Variants in SYT1 observed in about 807,000 individuals in gnomAD.
SYT1 encodes synaptotagmin 1.
In SYT1, 8 loss-of-function variants were observed where a neutral mutation model predicts 44.8. The ratio of observed to expected loss-of-function variants is 0.18; its 90% CI spans 0.10 to 0.32. The LOEUF (loss-of-function observed/expected upper bound fraction) is 0.32, where lower values mean the gene tolerates loss of function less well. Among genes scored for constraint, SYT1 ranks in the 10% least tolerant of loss-of-function variants. The pLI, the probability that SYT1 is intolerant of heterozygous loss-of-function variation, is 1.00. For synonymous variants in SYT1, 154 were observed against 188.8 expected (o/e 0.82, Z 1.51); for missense variants, 286 against 509.3 (o/e 0.56, Z 4.22).
At chr12:79,043,991 G>C (rs993453929) in intron 2 of SYT1, among the ~76,000 whole-genome samples, 3 of 152,206 alleles carry the variant, frequency 2.0e-5, no homozygotes, top group Non-Finnish European at 2.9e-5. Context: ...TCTGCCGAGA[G>C]ATCCGCTGTT....
chr12:79,256,157 T>C (rs903638579), intron 4 of SYT1, among the ~76,000 whole-genome samples: 1 of 152,208 alleles, frequency 6.6e-6, no homozygotes, highest in Admixed American at 6.5e-5. Context: ...TAAAAGCAGA[T>C]GACTGCCATG....
intron 2 of SYT1, among the ~76,000 whole-genome samples, chr12:79,044,251 C>G (rs1433150571): frequency 1.3e-5 from 2 of 152,220 alleles, no homozygotes; most frequent in Non-Finnish European, 2.9e-5. Flanking sequence ...CTCCCCATCA[C>G]TTTCAGGTAC....
intron 9 of SYT1, among the ~76,000 whole-genome samples, chr12:79,422,441 C>T (rs569123124): frequency 5.9e-5 from 9 of 151,450 alleles, no homozygotes; most frequent in African/African-American, 1.5e-4. Flanking sequence ...CATACCTGAA[C>T]GCTTTATCTG....
intron 2 of SYT1, among the ~76,000 whole-genome samples, chr12:79,041,286 C>T (rs1323017487): frequency 6.6e-6 from 1 of 151,990 alleles, no homozygotes; most frequent in Non-Finnish European, 1.5e-5. Context: ...TGTTTGTATC[C>T]TCTTTTATTT....
chr12:78,960,406 A>G (rs976715251), intron 1 of SYT1: 1 of 152,230 alleles, frequency 6.6e-6, no homozygotes, highest in African/African-American at 2.4e-5. Flanking sequence ...AAATAGAAAC[A>G]CTTTTCTGAC....
intron 9 of SYT1, among the ~76,000 whole-genome samples, chr12:79,401,784 C>T (rs1733994429): frequency 6.6e-6 from 1 of 151,828 alleles, no homozygotes; most frequent in Non-Finnish European, 1.5e-5. Context: ...ATCCTCCTGC[C>T]TCAGCTTCCC....
At chr12:79,266,832 T>C (rs146485760) in intron 4 of SYT1, among the ~76,000 whole-genome samples, 234 of 152,270 alleles carry the variant, frequency 1.5e-3, no homozygotes, top group Middle Eastern at 0.01. Flanking sequence ...CACAAATCCA[T>C]TGGATAATCA....
chr12:79,417,486 G>T (rs576631948), intron 9 of SYT1, among the ~76,000 whole-genome samples: 1 of 152,042 alleles, frequency 6.6e-6, no homozygotes, highest in African/African-American at 2.4e-5. Flanking sequence ...AGCCCCCTTG[G>T]CTCCTGCCTT....
chr12:79,323,516 T>G (rs1199499208), intron 8 of SYT1, among the ~76,000 whole-genome samples: 3 of 152,206 alleles, frequency 2.0e-5, no homozygotes, highest in Non-Finnish European at 4.4e-5. Flanking sequence ...TGAAGTTTAC[T>G]TAACACCGAA....
chr12:79,271,311 A>G (rs954639078), intron 4 of SYT1, among the ~76,000 whole-genome samples: 3 of 152,166 alleles, frequency 2.0e-5, no homozygotes, highest in African/African-American at 7.2e-5. Context: ...AGAAGAAATA[A>G]TGACGTTTTT....
intron 4 of SYT1, among the ~76,000 whole-genome samples, chr12:79,268,261 A>G (rs1319361349): frequency 6.6e-6 from 1 of 152,180 alleles, no homozygotes; most frequent in Non-Finnish European, 1.5e-5. Context: ...CAGATTTACG[A>G]TTCTATTAAA....
rs555075126 is a variant in SYT1 at position 79,449,107 on chromosome 12, C to T, written c.1252C>T (p.Leu418=). 36 of 1,611,938 alleles carry T rather than the reference C, an allele frequency of 2.2e-5. No homozygotes were observed. The highest frequency in any genetic ancestry group is 2.9e-5 in the Non-Finnish European group (34 of 1,178,946). ...GGTAGAGGAGGAAGTTGATGCCATG[C>T]TGGCCGTCAAGAAGTAAAGGAAAGA... ...LQVEEEVDAM[L]AVKK Residue 418 remains leucine (L), a synonymous_variant, in exon 11 of 11, where the codon CTG becomes TTG. Transcript: ENST00000261205.
intron 3 of SYT1, among the ~76,000 whole-genome samples, chr12:79,168,507 T>C (rs1871337047): frequency 6.6e-6 from 1 of 152,088 alleles, no homozygotes; most frequent in Non-Finnish European, 1.5e-5. Flanking sequence ...CACAGAATAT[T>C]GCTAGTTTTT....
intron 9 of SYT1, among the ~76,000 whole-genome samples, chr12:79,421,010 A>C (rs1055960042): frequency 6.6e-6 from 1 of 152,106 alleles, no homozygotes; most frequent in African/African-American, 2.4e-5. Context: ...GCTTTCCTTT[A>C]AACAAAGCAG....
At chr12:79,198,413 TCA>T (rs1873586608) in intron 3 of SYT1, among the ~76,000 whole-genome samples, 1 of 152,210 alleles carries the variant, frequency 6.6e-6, no homozygotes, top group Non-Finnish European at 1.5e-5. Context: ...GCAAAATGTT[TCA>T]CAGTTAATCT....
chr12:79,159,553 ATTG>A lies in SYT1; in HGVS notation c.-17-57944_-17-57942del, dbSNP rs541042364. On this transcript the variant is annotated intron_variant, in intron 3 of 10. Coordinates refer to ENST00000261205, the MANE Select transcript of SYT1 (RefSeq NM_005639.3). The stretch of plus-strand genomic sequence containing the variant: ...ATAATTGTTCTATCTTATTATGGTA[ATTG>A]TTGTTACTCTCTCACTGTGCCTAAT... Among the ~76,000 whole-genome samples the A allele has an allele frequency of 1.3e-3, 192 of 152,232 alleles. 1 individual carries two copies. Among genetic ancestry groups the A allele is most frequent in the African/African-American group, 4.5e-3 (188 of 41,542 alleles).
At chr12:79,172,327 G>T (rs373280793) in intron 3 of SYT1, among the ~76,000 whole-genome samples, 39 of 151,818 alleles carry the variant, frequency 2.6e-4, no homozygotes, top group African/African-American at 9.4e-4. Flanking sequence ...AAGAGTGCCT[G>T]CTCCCAAAAA....
At chr12:79,041,176 T>A (rs1461265860) in intron 2 of SYT1, among the ~76,000 whole-genome samples, 3 of 151,236 alleles carry the variant, frequency 2.0e-5, no homozygotes, top group Admixed American at 1.3e-4. Flanking sequence ...CATTGGTAGC[T>A]TGATGGGGAT....
intron 3 of SYT1, chr12:79,103,047 C>A (rs1169613024): frequency 6.6e-6 from 1 of 152,118 alleles, no homozygotes; most frequent in Non-Finnish European, 1.5e-5. Context: ...GCCATTTACC[C>A]CAGGTCAAGT....
Sources: allele counts gnomAD v4.1 joint callset (sites outside exome capture counted in the v4.1 genomes callset), GRCh38; gene constraint gnomAD v4.1.1; transcripts MANE v1.5; gene names NCBI Gene and HGNC (gene_info 2026-07-23, HGNC 2026-07-21).